PRRG1: variants seen among roughly 807,000 people sequenced by gnomAD.
PRRG1 encodes transmembrane gamma-carboxyglutamic acid protein 1.
Under a neutral mutation model 11.8 loss-of-function variants are expected in PRRG1, and 5 were observed. The observed-to-expected ratio is 0.42, with a 90% CI of 0.22 to 0.89. The LOEUF (loss-of-function observed/expected upper bound fraction) is 0.89. PRRG1 is among the 40% of genes least tolerant of loss of function. The pLI, the probability that PRRG1 is intolerant of heterozygous loss-of-function variation, is 0.28. For missense variants in PRRG1, 155 were observed against 166.1 expected (o/e 0.93, Z 0.37); for synonymous variants, 66 against 60.4 (o/e 1.09, Z -0.43).
At chrX:37,441,672 G>A (rs1932982362) in intron 3 of PRRG1, 1 of 800,881 alleles carries the variant, frequency 1.2e-6, no homozygotes, top group Non-Finnish European at 1.5e-6. Context: ...CGGCCCTGGA[G>A]CACTTTAGCC....
intron 1 of PRRG1, among the ~76,000 whole-genome samples, chrX:37,394,479 A>G (rs1556377564): frequency 8.9e-6 from 1 of 111,912 alleles, no homozygotes; most frequent in Admixed American, 9.5e-5. Flanking sequence ...ACCAGGTATT[A>G]TAGTCATGTT....
At chrX:37,449,579 C>T (rs1170847609) in intron 3 of PRRG1, among the ~76,000 whole-genome samples, 1 of 112,375 alleles carries the variant, frequency 8.9e-6, no homozygotes, top group Non-Finnish European at 1.9e-5. Context: ...CCTCTTGGGG[C>T]TCTTCCCTCT....
intron 3 of PRRG1, chrX:37,441,103 T>G: frequency 1.1e-6 from 1 of 924,144 alleles, no homozygotes; most frequent in Non-Finnish European, 1.3e-6. Context: ...CAAGGCAAAC[T>G]CTAGACAAAA....
chrX:37,431,501 A>G (rs1303817398), intron 3 of PRRG1, among the ~76,000 whole-genome samples: 2 of 111,777 alleles, frequency 1.8e-5, no homozygotes, highest in African/African-American at 3.3e-5. Context: ...GGCTCATGAT[A>G]TTGAACATCT....
intron 3 of PRRG1, among the ~76,000 whole-genome samples, chrX:37,432,387 G>A (rs191436951): frequency 1.8e-5 from 2 of 111,989 alleles, no homozygotes; most frequent in Admixed American, 9.4e-5. Context: ...CACCCGGACC[G>A]TGAACAATGT....
At chrX:37,366,537 G>A (rs781784359) in intron 1 of PRRG1, among the ~76,000 whole-genome samples, 1 of 112,087 alleles carries the variant, frequency 8.9e-6, no homozygotes, top group Admixed American at 9.4e-5. Flanking sequence ...CGATGTCTGT[G>A]TAAGTAATCA....
intron 2 of PRRG1, 29 bp downstream of exon 2, chrX:37,406,288 C>T: frequency 1.7e-6 from 2 of 1,158,988 alleles, no homozygotes; most frequent in Non-Finnish European, 2.4e-6. Flanking sequence ...TTAAGTAATT[C>T]AGACTGTCTC....
At chrX:37,444,434 A>C in intron 3 of PRRG1, among the ~76,000 whole-genome samples, 1 of 112,271 alleles carries the variant, frequency 8.9e-6, no homozygotes, top group South Asian at 3.7e-4. Flanking sequence ...GTTGACTTGC[A>C]CAAGTCATTA....
At chrX:37,365,287 T>G (rs1198118241) in intron 1 of PRRG1, among the ~76,000 whole-genome samples, 1 of 111,378 alleles carries the variant, frequency 9.0e-6, no homozygotes, top group Non-Finnish European at 1.9e-5. Flanking sequence ...CTTGATTTAG[T>G]GCAGGCCTGC....
In PRRG1 at chrX:37,443,499, A is replaced by G. The variant is rs141860685; in HGVS notation, c.172-9637A>G. Among the ~76,000 whole-genome samples, 1,050 of 111,773 alleles carry G rather than the reference A, an allele frequency of 9.4e-3. 8 individuals are homozygous for G. The highest frequency in any genetic ancestry group is 0.013 in the Non-Finnish European group (699 of 53,136). On this transcript the variant is annotated intron_variant, in intron 3 of 3. Coordinates refer to ENST00000378628, the MANE Select transcript of PRRG1 (RefSeq NM_001142395.2). ...GCTCACCAGAAAAAGTGTAAGAGAG[A>G]GTTTGACAAATCTATCCCCAAGCTC...
chrX:37,429,689 C>A (rs1462339424), intron 3 of PRRG1, among the ~76,000 whole-genome samples: 1 of 112,126 alleles, frequency 8.9e-6, no homozygotes, highest in Non-Finnish European at 1.9e-5. Context: ...GCCTGTTACC[C>A]AGTTCCAAAG....
At chrX:37,361,832 A>G (rs925527662) in intron 1 of PRRG1, among the ~76,000 whole-genome samples, 6 of 112,317 alleles carry the variant, frequency 5.3e-5, no homozygotes, top group African/African-American at 1.3e-4. Context: ...AAAAAAATCT[A>G]TATGAGTAAC....
intron 2 of PRRG1, among the ~76,000 whole-genome samples, chrX:37,412,465 T>G (rs894899222): frequency 2.7e-5 from 3 of 110,426 alleles, no homozygotes; most frequent in Non-Finnish European, 5.7e-5. Context: ...TAATTTTATT[T>G]GGCTTTATGG....
At chrX:37,370,552 G>A (rs1267819072) in intron 1 of PRRG1, among the ~76,000 whole-genome samples, 1 of 111,548 alleles carries the variant, frequency 9.0e-6, no homozygotes, top group Non-Finnish European at 1.9e-5. Flanking sequence ...TGTGCCCTTG[G>A]GGGCTGGGAG....
At chrX:37,377,468 T>C (rs1231643133) in intron 1 of PRRG1, among the ~76,000 whole-genome samples, 3 of 111,938 alleles carry the variant, frequency 2.7e-5, no homozygotes, top group Non-Finnish European at 3.8e-5. Context: ...TTCTCTAATA[T>C]TGGGGTTAAG....
chrX:37,435,323 A>G (rs1932873302), intron 3 of PRRG1, among the ~76,000 whole-genome samples: 1 of 110,459 alleles, frequency 9.1e-6, no homozygotes. Flanking sequence ...TTATATAATG[A>G]TATAAATGCA....
intron 2 of PRRG1, among the ~76,000 whole-genome samples, chrX:37,406,980 C>T (rs1556382228): frequency 8.9e-6 from 1 of 112,078 alleles, no homozygotes; most frequent in East Asian, 2.8e-4. Context: ...ATCACTGTTT[C>T]CAGTTGTAGA....
chrX:37,427,831 A>G (rs1556388843), intron 3 of PRRG1, among the ~76,000 whole-genome samples: 2 of 111,776 alleles, frequency 1.8e-5, no homozygotes, highest in Non-Finnish European at 3.8e-5. Flanking sequence ...TGTGTGTTGT[A>G]TTAGTCTGTT....
chrX:37,424,808 A>C (rs1379470328), intron 2 of PRRG1, among the ~76,000 whole-genome samples: 1 of 111,416 alleles, frequency 9.0e-6, no homozygotes, highest in Non-Finnish European at 1.9e-5. Flanking sequence ...ACAAAGCAAA[A>C]CTTTAATCCA....
Sources: allele counts gnomAD v4.1 joint callset (sites outside exome capture counted in the v4.1 genomes callset), GRCh38; gene constraint gnomAD v4.1.1; transcripts MANE v1.5; gene names NCBI Gene and HGNC (gene_info 2026-07-23, HGNC 2026-07-21).